ARSG: variants seen among roughly 807,000 people sequenced by gnomAD.
ARSG encodes the protein ASG.
Under a neutral mutation model 50.5 loss-of-function variants are expected in ARSG, and 37 were observed. The ratio of observed to expected loss-of-function variants is 0.73; its 90% CI spans 0.56 to 0.96. The LOEUF is 0.96. ARSG is among the 50% of genes least tolerant of loss of function. The pLI is 0.00. For synonymous variants in ARSG, 225 were observed against 254.6 expected (o/e 0.88, Z 1.11); for missense variants, 629 against 675.3 (o/e 0.93, Z 0.76).
chr17:68,341,964 C>T (rs1397633785), intron 2 of ARSG, among the ~76,000 whole-genome samples: 2 of 151,900 alleles, frequency 1.3e-5, no homozygotes, highest in East Asian at 1.9e-4. Context: ...GGGTTACAGG[C>T]ATGCACCACC....
In ARSG at chr17:68,310,084, C is replaced by T. The variant is rs185023220; in HGVS notation, c.218+2373C>T. Among the ~76,000 whole-genome samples the T allele has an allele frequency of 8.2e-3, 1,240 of 151,808 alleles. 8 individuals carry two copies. Among genetic ancestry groups the T allele is most frequent in the Middle Eastern group, 0.014 (4 of 294 alleles). On this transcript the variant is annotated intron_variant, in intron 2 of 11. Transcript: ENST00000621439. ...CATCTCCCGGGTTCAAGCGATTCTC[C>T]TGCCTCAGCCTCCCGAGTAGCTGGG...
chr17:68,429,147 A>G, the ARSG span, among the ~76,000 whole-genome samples: 2 of 152,180 alleles, frequency 1.3e-5, no homozygotes, highest in African/African-American at 4.8e-5. Flanking sequence ...TGAACGTGAC[A>G]GTGTGGATGA....
chr17:68,390,948 G>C (rs2080965200), intron 9 of ARSG, among the ~76,000 whole-genome samples: 1 of 148,194 alleles, frequency 6.7e-6, no homozygotes, highest in Non-Finnish European at 1.5e-5. Flanking sequence ...TTTTAATGAA[G>C]GAAGAGACCC....
intron 6 of ARSG, among the ~76,000 whole-genome samples, chr17:68,360,382 C>G (rs187623999): frequency 1.1e-4 from 16 of 152,184 alleles, no homozygotes; most frequent in African/African-American, 3.9e-4. Flanking sequence ...GCCCCTCCCC[C>G]ACCTTGGACC....
At chr17:68,318,638 T>C (rs571710157) in intron 2 of ARSG, among the ~76,000 whole-genome samples, 17 of 152,250 alleles carry the variant, frequency 1.1e-4, no homozygotes, top group South Asian at 4.1e-4. Flanking sequence ...GACAGCACAC[T>C]GTAATCATGT....
intron 8 of ARSG, among the ~76,000 whole-genome samples, chr17:68,377,679 C>T (rs2080218451): frequency 6.6e-6 from 1 of 152,182 alleles, no homozygotes; most frequent in African/African-American, 2.4e-5. Context: ...CCCATAGAAG[C>T]ATTAGAAGGG....
At chr17:68,406,202 T>A (rs755097692) in intron 11 of ARSG, among the ~76,000 whole-genome samples, 6 of 152,242 alleles carry the variant, frequency 3.9e-5, no homozygotes, top group Non-Finnish European at 8.8e-5. Flanking sequence ...TCACCCAGGT[T>A]GCTGCAAATG....
At chr17:68,306,516 C>T (rs990494138) in intron 1 of ARSG, among the ~76,000 whole-genome samples, 18 of 152,300 alleles carry the variant, frequency 1.2e-4, no homozygotes, top group African/African-American at 4.3e-4. Context: ...CGTAGCAGGA[C>T]CCTATCTCCA....
chr17:68,265,861 A>G (rs782500820), intron 1 of ARSG, among the ~76,000 whole-genome samples: 1 of 152,080 alleles, frequency 6.6e-6, no homozygotes, highest in South Asian at 2.1e-4. Context: ...CCATTGAAAC[A>G]TGGCCACGTT....
At chr17:68,313,244 G>A (rs553065653) in intron 2 of ARSG, among the ~76,000 whole-genome samples, 3 of 152,254 alleles carry the variant, frequency 2.0e-5, no homozygotes, top group South Asian at 2.1e-4. Flanking sequence ...CTGGGTGACA[G>A]AGTGAGACTC....
intron 2 of ARSG, among the ~76,000 whole-genome samples, chr17:68,340,125 C>T (rs1385906369): frequency 6.6e-6 from 1 of 152,084 alleles, no homozygotes; most frequent in Non-Finnish European, 1.5e-5. Flanking sequence ...TGACTGTGGT[C>T]CTTCTAAAGT....
chr17:68,289,966 T>C (rs1370290066), upstream of ARSG, among the ~76,000 whole-genome samples: 3 of 152,334 alleles, frequency 2.0e-5, no homozygotes, highest in Middle Eastern at 6.8e-3. Context: ...GGATGTATTG[T>C]TGACCCCAAA....
At chr17:68,438,905 C>T in the ARSG span, among the ~76,000 whole-genome samples, 45 of 152,256 alleles carry the variant, frequency 3.0e-4, no homozygotes, top group African/African-American at 1.0e-3. Context: ...TGGCCTAGCA[C>T]ATATGTTTTT....
At chr17:68,342,354 A>G (rs931750235) in intron 2 of ARSG, among the ~76,000 whole-genome samples, 2 of 148,868 alleles carry the variant, frequency 1.3e-5, no homozygotes, top group African/African-American at 5.0e-5. Flanking sequence ...ATATATATGT[A>G]TGTGTTTTTT....
At chr17:68,423,114 C>T (rs7218158), downstream of ARSG, among the ~76,000 whole-genome samples, 9,808 of 152,110 alleles carry the variant, frequency 0.064, 770 homozygotes, top group African/African-American at 0.18. The surrounding 1 kb of genome is among the most constrained non-coding windows in gnomAD (Gnocchi z 4.4). Context: ...ACAAGAGAGG[C>T]GATTTTAACC....
intron 1 of ARSG, among the ~76,000 whole-genome samples, chr17:68,275,226 A>G (rs2075475291): frequency 6.6e-6 from 1 of 152,210 alleles, no homozygotes; most frequent in African/African-American, 2.4e-5. Context: ...AAATCTGGCA[A>G]ATTAGTTTCC....
At chr17:68,309,112 T>C (rs2076735143) in intron 2 of ARSG, among the ~76,000 whole-genome samples, 1 of 152,206 alleles carries the variant, frequency 6.6e-6, no homozygotes, top group Admixed American at 6.5e-5. Context: ...GGGCTGGCCC[T>C]GCTGAGGGAC....
At chr17:68,427,072 C>CAG (rs2083245370), downstream of ARSG, 1 of 1,370,338 alleles carries the variant, frequency 7.3e-7, no homozygotes, top group African/African-American at 1.4e-5. Context: ...AGGGAGCGTG[C>CAG]AGGGAGAAGG....
At chr17:68,320,203 C>T (rs57861646) in intron 2 of ARSG, among the ~76,000 whole-genome samples, 4,382 of 151,762 alleles carry the variant, frequency 0.029, 211 homozygotes, top group African/African-American at 0.1. Flanking sequence ...ACAGGCGAAT[C>T]GCTTAGAACC....
Sources: allele counts gnomAD v4.1 joint callset (sites outside exome capture counted in the v4.1 genomes callset), GRCh38; gene constraint gnomAD v4.1.1; non-coding constraint Gnocchi (gnomAD v3.1); transcripts MANE v1.5; gene names NCBI Gene and HGNC (gene_info 2026-07-23, HGNC 2026-07-21).